SLC2A9: variants seen among roughly 807,000 people sequenced by gnomAD.
SLC2A9 encodes solute carrier family 2, facilitated glucose transporter member 9.
Under a neutral mutation model 50.6 loss-of-function variants are expected in SLC2A9, and 39 were observed. That is an observed-to-expected ratio of 0.77 (90% CI 0.60 to 1.01). The LOEUF (loss-of-function observed/expected upper bound fraction) is 1.01, where lower values mean the gene tolerates loss of function less well. SLC2A9 is among the 50% of genes least tolerant of loss of function. The probability of loss-of-function intolerance (pLI) is 0.00; values close to 1 mark genes in which losing one functional copy is unlikely to be tolerated. For missense variants in SLC2A9, 686 were observed against 677.6 expected (o/e 1.01, Z -0.14); for synonymous variants, 324 against 276.9 (o/e 1.17, Z -1.69).
chr4:9,880,777 C>A (rs1735066804), intron 10 of SLC2A9, among the ~76,000 whole-genome samples: 1 of 152,186 alleles, frequency 6.6e-6, no homozygotes, highest in Non-Finnish European at 1.5e-5. Context: ...AGCTTTCTTG[C>A]CCTCATGACC....
intron 7 of SLC2A9, among the ~76,000 whole-genome samples, chr4:9,917,010 C>T (rs972417056): frequency 2.0e-5 from 3 of 152,152 alleles, no homozygotes; most frequent in Non-Finnish European, 2.9e-5. Flanking sequence ...GAGGGGAGCA[C>T]AGTGGAGGGG....
intron 2 of SLC2A9, among the ~76,000 whole-genome samples, chr4:10,008,849 CACAG>C (rs1232239277): frequency 2.0e-5 from 3 of 150,918 alleles, no homozygotes; most frequent in African/African-American, 7.3e-5. Flanking sequence ...ATCTCTCACT[CACAG>C]AAGAATGTTT....
At chr4:9,823,057 G>A (rs1275916810), downstream of SLC2A9, among the ~76,000 whole-genome samples, 1 of 152,080 alleles carries the variant, frequency 6.6e-6, no homozygotes, top group Non-Finnish European at 1.5e-5. Context: ...TTTTCATTAC[G>A]ATTCTGCCCA....
At chr4:9,961,979 T>G (rs1181764325) in intron 5 of SLC2A9, among the ~76,000 whole-genome samples, 3 of 152,204 alleles carry the variant, frequency 2.0e-5, no homozygotes, top group African/African-American at 7.2e-5. Context: ...TCAACATCAC[T>G]GATCATTAGA....
At chr4:10,025,249 C>T (rs79343860), upstream of SLC2A9, among the ~76,000 whole-genome samples, 1 of 152,220 alleles carries the variant, frequency 6.6e-6, no homozygotes, top group Non-Finnish European at 1.5e-5. Context: ...AAGAAGGGCT[C>T]AAACCTGTAC....
Position 10,010,896 on chromosome 4 carries a change from G to A in SLC2A9, c.249+8079C>T, listed in dbSNP as rs73805484. Reference sequence around the variant, plus strand: ...TCAACTTTGGTCCTTTTTTCTTGGCGACTTTTCTTAATGTCCATCCCCCAG... The same window carrying A: ...TCAACTTTGGTCCTTTTTTCTTGGCAACTTTTCTTAATGTCCATCCCCCAG... On this transcript the variant is annotated intron_variant, in intron 2 of 11. Transcript: ENST00000264784. Among the ~76,000 whole-genome samples the A allele has an allele frequency of 6.6e-3, 1,004 of 151,836 alleles. 12 individuals are homozygous for A. Among genetic ancestry groups the A allele is most frequent in the African/African-American group, 0.023 (944 of 41,396 alleles).
intron 10 of SLC2A9, among the ~76,000 whole-genome samples, chr4:9,853,862 C>A (rs1374355186): frequency 6.6e-6 from 1 of 152,098 alleles, no homozygotes; most frequent in Non-Finnish European, 1.5e-5. Context: ...CATACAATTA[C>A]ATGAAAATTA....
chr4:9,963,923 C>T (rs1315069941), intron 5 of SLC2A9, among the ~76,000 whole-genome samples: 1 of 152,090 alleles, frequency 6.6e-6, no homozygotes, highest in Admixed American at 6.5e-5. Flanking sequence ...TAACAAACAC[C>T]CAACACGCTT....
chr4:10,023,757 CATG>C (rs200118214), upstream of SLC2A9, among the ~76,000 whole-genome samples: 1,925 of 152,314 alleles, frequency 0.013, 34 homozygotes, highest in African/African-American at 0.044. Flanking sequence ...TGTTCACCTT[CATG>C]ATATCGTTTA....
intron 1 of SLC2A9, chr4:10,035,847 T>A (rs1404891578): frequency 1.3e-5 from 2 of 152,392 alleles, no homozygotes; most frequent in African/African-American, 4.8e-5. Flanking sequence ...CTTCTCCTGC[T>A]CTTGAAGGTC....
chr4:9,787,936 A>G (rs1719436917), intron 3 of SLC2A9, among the ~76,000 whole-genome samples: 1 of 152,194 alleles, frequency 6.6e-6, no homozygotes, highest in Admixed American at 6.5e-5. Flanking sequence ...TTTACTCTTT[A>G]TAATTAATAT....
At chr4:9,797,895 C>T (rs1351754545), downstream of SLC2A9, among the ~76,000 whole-genome samples, 3 of 152,190 alleles carry the variant, frequency 2.0e-5, no homozygotes, top group South Asian at 6.2e-4. Context: ...TAGGCAAACA[C>T]TGCTCACAGA....
downstream of SLC2A9, among the ~76,000 whole-genome samples, chr4:9,776,620 G>C (rs1256860733): frequency 6.6e-6 from 1 of 152,086 alleles, no homozygotes; most frequent in African/African-American, 2.4e-5. Flanking sequence ...GAGTTTTGTG[G>C]ATCTCAGCCT....
At chr4:10,025,132 C>G (rs1763708216), upstream of SLC2A9, among the ~76,000 whole-genome samples, 1 of 152,206 alleles carries the variant, frequency 6.6e-6, no homozygotes, top group Admixed American at 6.5e-5. Flanking sequence ...GTGTTGATCT[C>G]TGTCCTACCA....
chr4:9,778,334 C>G (rs1717855697), downstream of SLC2A9, among the ~76,000 whole-genome samples: 1 of 151,880 alleles, frequency 6.6e-6, no homozygotes, highest in Non-Finnish European at 1.5e-5. Context: ...TGGCCAGGCT[C>G]TTCTTGAACT....
downstream of SLC2A9, among the ~76,000 whole-genome samples, chr4:9,778,812 TTTTC>T (rs1215618084): frequency 1.3e-5 from 2 of 152,068 alleles, no homozygotes; most frequent in African/African-American, 2.4e-5. Context: ...GTTTCTTTTT[TTTTC>T]TTTCTTTCTT....
At chr4:10,039,068 G>A (rs1764197033) in intron 1 of SLC2A9, among the ~76,000 whole-genome samples, 3 of 152,196 alleles carry the variant, frequency 2.0e-5, no homozygotes, top group African/African-American at 7.2e-5. Flanking sequence ...CAAGGAGCTG[G>A]CCCAGTTGGC....
chr4:9,800,378 G>A (rs1364948223), intron 3 of SLC2A9, among the ~76,000 whole-genome samples: 1 of 152,182 alleles, frequency 6.6e-6, no homozygotes, highest in Admixed American at 6.5e-5. Context: ...GAGTATGGTG[G>A]ACCCCTAATC....
chr4:9,993,975 T>C (rs1050203096), intron 3 of SLC2A9, among the ~76,000 whole-genome samples: 1 of 152,172 alleles, frequency 6.6e-6, no homozygotes, highest in Non-Finnish European at 1.5e-5. Flanking sequence ...TCTTCCCCAC[T>C]TCCCTGGAAT....
Sources: allele counts gnomAD v4.1 joint callset (sites outside exome capture counted in the v4.1 genomes callset), GRCh38; gene constraint gnomAD v4.1.1; transcripts MANE v1.5; gene names NCBI Gene and HGNC (gene_info 2026-07-23, HGNC 2026-07-21).